The following EPHA6 variants were observed in gnomAD, a reference collection of about 807,000 sequenced individuals.
The protein encoded by EPHA6 is EPH receptor A6, also known as ephrin type-A receptor 6.
In EPHA6, 50 loss-of-function variants were observed where a neutral mutation model predicts 112.0. That is an observed-to-expected ratio of 0.45 (90% CI 0.36 to 0.56). EPHA6 has a LOEUF of 0.56. Among genes scored for constraint, EPHA6 ranks in the 20% least tolerant of loss-of-function variants. The pLI, the probability that EPHA6 is intolerant of heterozygous loss-of-function variation, is 0.00. For missense variants in EPHA6, 1,280 were observed against 1,417.4 expected (o/e 0.90, Z 1.56); for synonymous variants, 529 against 490.7 (o/e 1.08, Z -1.03).
At chr3:97,619,857 A>T (rs1048098724) in intron 13 of EPHA6, among the ~76,000 whole-genome samples, 1 of 152,172 alleles carries the variant, frequency 6.6e-6, no homozygotes, top group Admixed American at 6.6e-5. Flanking sequence ...CAATTTACAG[A>T]TTCAAAGCTA....
chr3:97,438,690 A>G (rs1357265546), intron 6 of EPHA6, among the ~76,000 whole-genome samples: 1 of 152,154 alleles, frequency 6.6e-6, no homozygotes, highest in African/African-American at 2.4e-5. Flanking sequence ...CTGCAAGATG[A>G]CCTTAAGGCA....
At chr3:97,633,437 A>G (rs1177182565) in intron 13 of EPHA6, among the ~76,000 whole-genome samples, 1 of 152,112 alleles carries the variant, frequency 6.6e-6, no homozygotes. Flanking sequence ...TTTCTTTTAG[A>G]TTAATCTTCA....
In EPHA6 at chr3:97,600,532, G is replaced by C. The variant is rs867047076; in HGVS notation, c.2512+7795G>C. ...TGCTTTGTTTCTTGGCCAAAAATAA[G>C]ACTCCTCATTATAAACCAGGTGAAA... On this transcript the variant is annotated intron_variant, in intron 12 of 17. Coordinates refer to ENST00000389672, the MANE Select transcript of EPHA6 (RefSeq NM_001080448.3). 3.0e-4 allele frequency among the ~76,000 whole-genome samples: 46 copies of C among 151,968 alleles called. 1 individual carries two copies. Among genetic ancestry groups the C allele is most frequent in the South Asian group, 1.2e-3 (6 of 4,824 alleles).
chr3:97,304,688 C>T (rs72924499), intron 5 of EPHA6, among the ~76,000 whole-genome samples: 1,604 of 152,068 alleles, frequency 0.011, 32 homozygotes, highest in African/African-American at 0.035. Flanking sequence ...AACTGCCTAT[C>T]GATATGCACA....
At chr3:96,915,141 T>G (rs1363285217) in intron 2 of EPHA6, among the ~76,000 whole-genome samples, 8 of 151,934 alleles carry the variant, frequency 5.3e-5, no homozygotes, top group Non-Finnish European at 5.9e-5. Flanking sequence ...ATATGTCATT[T>G]TAAAGGGAAA....
chr3:97,166,380 A>AT (rs1198507739), intron 3 of EPHA6, among the ~76,000 whole-genome samples: 3 of 151,978 alleles, frequency 2.0e-5, no homozygotes. Flanking sequence ...AAAAAAAAAA[A>AT]AATAACAAAC....
chr3:97,277,701 T>C (rs900170536), intron 5 of EPHA6, among the ~76,000 whole-genome samples: 1 of 152,150 alleles, frequency 6.6e-6, no homozygotes. Context: ...AAAGAAAAGA[T>C]ACAATAAAAA....
chr3:97,186,265 G>T (rs1475815786), intron 3 of EPHA6, among the ~76,000 whole-genome samples: 1 of 152,050 alleles, frequency 6.6e-6, no homozygotes, highest in Non-Finnish European at 1.5e-5. Flanking sequence ...CTGCTTCCTA[G>T]CTATAGAATT....
intron 15 of EPHA6, among the ~76,000 whole-genome samples, chr3:97,722,113 T>C (rs866310517): frequency 1.1e-4 from 16 of 152,266 alleles, no homozygotes; most frequent in Middle Eastern, 6.8e-3. Context: ...CCCTCCCTAA[T>C]TGGTATTCTA....
intron 11 of EPHA6, among the ~76,000 whole-genome samples, chr3:97,565,583 C>T (rs2093252816): frequency 6.6e-6 from 1 of 152,084 alleles, no homozygotes; most frequent in African/African-American, 2.4e-5. Flanking sequence ...ATTTCAAGTT[C>T]TTGCCACTGA....
intron 13 of EPHA6, among the ~76,000 whole-genome samples, chr3:97,621,716 G>A (rs1379694466): frequency 6.6e-6 from 1 of 151,762 alleles, no homozygotes; most frequent in African/African-American, 2.4e-5. Flanking sequence ...CCAGACCCAG[G>A]GGAATATAGC....
chr3:96,834,143 G>A (rs562000736), intron 1 of EPHA6, among the ~76,000 whole-genome samples: 1 of 152,104 alleles, frequency 6.6e-6, no homozygotes, highest in East Asian at 1.9e-4. Context: ...GATCTTGGTA[G>A]CTCCTTTGTG....
At chr3:96,817,962 A>C (rs2032935249) in intron 1 of EPHA6, among the ~76,000 whole-genome samples, 1 of 151,764 alleles carries the variant, frequency 6.6e-6, no homozygotes, top group African/African-American at 2.4e-5. Context: ...TATGAACCAA[A>C]CCTCCTTGAA....
intron 9 of EPHA6, among the ~76,000 whole-genome samples, chr3:97,482,172 T>C (rs909422203): frequency 2.6e-5 from 4 of 152,238 alleles, no homozygotes; most frequent in African/African-American, 9.6e-5. Context: ...TCTTATTCTA[T>C]AGAAATGTGT....
chr3:96,858,185 A>T (rs1352172139), intron 1 of EPHA6, among the ~76,000 whole-genome samples: 1 of 152,136 alleles, frequency 6.6e-6, no homozygotes, highest in South Asian at 2.1e-4. Context: ...CACAGCAAGC[A>T]AATTTTTTTG....
intron 13 of EPHA6, among the ~76,000 whole-genome samples, chr3:97,628,573 AT>A (rs2093877558): frequency 6.6e-6 from 1 of 152,054 alleles, no homozygotes; most frequent in Admixed American, 6.6e-5. Flanking sequence ...AAATGTAGAT[AT>A]ACTTCAGGAA....
chr3:96,874,841 T>C (rs1287683695), intron 2 of EPHA6, among the ~76,000 whole-genome samples: 1 of 152,044 alleles, frequency 6.6e-6, no homozygotes, highest in Non-Finnish European at 1.5e-5. Flanking sequence ...CATTGAAAGA[T>C]ACATGCAGAA....
chr3:97,045,843 T>G (rs1455287411), intron 3 of EPHA6, among the ~76,000 whole-genome samples: 1 of 152,032 alleles, frequency 6.6e-6, no homozygotes, highest in African/African-American at 2.4e-5. Flanking sequence ...CATATCATGG[T>G]GAGATTTTGT....
intron 3 of EPHA6, among the ~76,000 whole-genome samples, chr3:97,117,348 T>G (rs1249520088): frequency 6.6e-6 from 1 of 151,800 alleles, no homozygotes; most frequent in African/African-American, 2.4e-5. Context: ...ATTTGTCTAT[T>G]TTTGCTTTTG....
Sources: allele counts gnomAD v4.1 joint callset (sites outside exome capture counted in the v4.1 genomes callset), GRCh38; gene constraint gnomAD v4.1.1; transcripts MANE v1.5; gene names NCBI Gene and HGNC (gene_info 2026-07-23, HGNC 2026-07-21).